Variants in GLIS3 observed in about 807,000 individuals in gnomAD.
GLIS3 encodes the protein zinc finger protein GLIS3.
In GLIS3, 53 loss-of-function variants were observed where a neutral mutation model predicts 78.6. The observed-to-expected ratio is 0.67, with a 90% CI of 0.54 to 0.85. The LOEUF (loss-of-function observed/expected upper bound fraction) is 0.85. Among genes scored for constraint, GLIS3 ranks in the 40% least tolerant of loss-of-function variants. The pLI is 0.00. For missense variants in GLIS3, 1,703 were observed against 1,231.1 expected, an observed-to-expected ratio of 1.38 and a Z score of -5.74; for synonymous variants, 684 against 509.9, an observed-to-expected ratio of 1.34 and a Z score of -4.60.
At chr9:3,879,701 T>C in intron 7 of GLIS3, 106 bp from the exon 8 acceptor site, 1 of 1,204,914 alleles carries the variant, frequency 8.3e-7, no homozygotes, top group Non-Finnish European at 1.2e-6. Context: ...TGCTTGTTTT[T>C]CTCTCAGTGG....
intron 2 of GLIS3, among the ~76,000 whole-genome samples, chr9:4,134,883 C>T (rs806059): frequency 0.77 from 116,567 of 152,124 alleles, 45,013 homozygotes; most frequent in African/African-American, 0.86. Context: ...CTTTGCCACA[C>T]GGTATACACC....
intron 2 of GLIS3, among the ~76,000 whole-genome samples, chr9:4,311,951 AGAG>A (rs1817366983): frequency 7.8e-6 from 1 of 127,684 alleles, no homozygotes; most frequent in South Asian, 2.8e-4. Context: ...GTGGACACAG[AGAG>A]AAGAACTACA....
chr9:4,438,054 C>A, the GLIS3 span, among the ~76,000 whole-genome samples: 8 of 152,116 alleles, frequency 5.3e-5, no homozygotes, highest in Non-Finnish European at 8.8e-5. Flanking sequence ...CTCTAACTTC[C>A]TATGTTTTTC....
chr9:4,178,319 A>G (rs1261546393), intron 2 of GLIS3, among the ~76,000 whole-genome samples: 2 of 152,046 alleles, frequency 1.3e-5, no homozygotes, highest in Non-Finnish European at 2.9e-5. Flanking sequence ...CACTTTTCTA[A>G]AAGATATCCT....
the GLIS3 span, among the ~76,000 whole-genome samples, chr9:4,437,422 A>ATGTG: frequency 5.3e-5 from 3 of 56,850 alleles, no homozygotes; most frequent in Non-Finnish European, 1.0e-4. Flanking sequence ...GTATGTATGT[A>ATGTG]TCTATCTATC....
intron 6 of GLIS3, among the ~76,000 whole-genome samples, chr9:3,899,425 G>T (rs994834509): frequency 3.3e-5 from 2 of 60,226 alleles, no homozygotes; most frequent in Non-Finnish European, 7.9e-5. Context: ...AGAGTTACAT[G>T]TAAAAAAAAA....
At chr9:3,963,223 C>T (rs911837851) in intron 4 of GLIS3, among the ~76,000 whole-genome samples, 11 of 152,158 alleles carry the variant, frequency 7.2e-5, no homozygotes, top group African/African-American at 2.7e-4. Flanking sequence ...AGACTCTTCC[C>T]AAACCTTTGC....
intron 4 of GLIS3, among the ~76,000 whole-genome samples, chr9:3,937,733 C>T (rs1825975177): frequency 6.6e-6 from 1 of 152,076 alleles, no homozygotes; most frequent in Non-Finnish European, 1.5e-5. Flanking sequence ...AAGTTTTTTC[C>T]AACCCTCAAA....
intron 4 of GLIS3, among the ~76,000 whole-genome samples, chr9:4,015,669 C>G (rs1216623686): frequency 1.3e-5 from 2 of 152,056 alleles, no homozygotes; most frequent in East Asian, 1.9e-4. Flanking sequence ...AGGTGGATCA[C>G]CTGAGGTCAG....
intron 9 of GLIS3, among the ~76,000 whole-genome samples, chr9:3,845,656 C>G (rs1412623003): frequency 6.6e-6 from 1 of 152,160 alleles, no homozygotes; most frequent in Non-Finnish European, 1.5e-5. Flanking sequence ...ATTAGGCTTC[C>G]AAAGTTTCCC....
chr9:4,020,748 C>T (rs627938), intron 4 of GLIS3, among the ~76,000 whole-genome samples: 30,510 of 152,136 alleles, frequency 0.2, 3,926 homozygotes, highest in African/African-American at 0.37. Flanking sequence ...TCTGATACTA[C>T]AAGAATTAGT....
intron 2 of GLIS3, among the ~76,000 whole-genome samples, chr9:4,312,362 G>A (rs1817376874): frequency 1.3e-5 from 2 of 152,158 alleles, no homozygotes; most frequent in African/African-American, 4.8e-5. Context: ...CAGCTACTGG[G>A]GAGGCTGGGG....
chr9:4,001,596 A>G (rs527666968), intron 4 of GLIS3, among the ~76,000 whole-genome samples: 205 of 152,322 alleles, frequency 1.3e-3, no homozygotes, highest in African/African-American at 4.7e-3. Context: ...CATTTTCTTT[A>G]AAAGGAAAAA....
chr9:4,441,744 T>C, the GLIS3 span, among the ~76,000 whole-genome samples: 12 of 152,096 alleles, frequency 7.9e-5, no homozygotes, highest in Non-Finnish European at 1.8e-4. Flanking sequence ...GTAGCTGGGA[T>C]TGCAGGTGCT....
chr9:4,159,900 C>G (rs1835347902), intron 2 of GLIS3, among the ~76,000 whole-genome samples: 1 of 152,154 alleles, frequency 6.6e-6, no homozygotes, highest in African/African-American at 2.4e-5. Flanking sequence ...AGAGCTCAGA[C>G]TCATGTCCTC....
chr9:3,985,508 T>G (rs1033558573), intron 4 of GLIS3, among the ~76,000 whole-genome samples: 29 of 152,162 alleles, frequency 1.9e-4, no homozygotes, highest in Non-Finnish European at 4.3e-4. Flanking sequence ...TGAGGAATCA[T>G]TAATTACAAA....
the GLIS3 span, among the ~76,000 whole-genome samples, chr9:4,469,591 T>C: frequency 2.6e-5 from 4 of 151,878 alleles, no homozygotes; most frequent in African/African-American, 9.7e-5. Context: ...AAACCAAACA[T>C]AACAAAGACA....
intron 2 of GLIS3, among the ~76,000 whole-genome samples, chr9:4,254,137 C>T (rs1824681132): frequency 6.6e-6 from 1 of 152,158 alleles, no homozygotes; most frequent in African/African-American, 2.4e-5. Context: ...TTTCAACAAA[C>T]ATTTATTTAA....
At chr9:4,142,023 A>C (rs1833852464) in intron 2 of GLIS3, among the ~76,000 whole-genome samples, 1 of 152,228 alleles carries the variant, frequency 6.6e-6, no homozygotes, top group Admixed American at 6.5e-5. Context: ...GAATCCAGAC[A>C]CGGTACCAGC....
Sources: allele counts gnomAD v4.1 joint callset (sites outside exome capture counted in the v4.1 genomes callset), GRCh38; gene constraint gnomAD v4.1.1; transcripts MANE v1.5; gene names NCBI Gene and HGNC (gene_info 2026-07-23, HGNC 2026-07-21).